RYR3: variants seen among roughly 807,000 people sequenced by gnomAD.
The protein encoded by RYR3 is ryanodine receptor 3.
In RYR3, 207 loss-of-function variants were observed where a neutral mutation model predicts 584.3. That is an observed-to-expected ratio of 0.35 (90% confidence interval 0.32 to 0.40). The LOEUF is 0.40. Among genes scored for constraint, RYR3 ranks in the 10% least tolerant of loss-of-function variants. The pLI is 1.00. For missense variants in RYR3, 5,616 were observed against 6,089.2 expected, an observed-to-expected ratio of 0.92 and a Z score of 2.59; for synonymous variants, 2,416 against 2,248.5, an observed-to-expected ratio of 1.07 and a Z score of -2.11.
At chr15:33,718,405 C>T (rs769990662) in intron 43 of RYR3, among the ~76,000 whole-genome samples, 1 of 152,130 alleles carries the variant, frequency 6.6e-6, no homozygotes, top group Admixed American at 6.5e-5. Context: ...GTTAGCAAGA[C>T]CCTTGAGCAC....
chr15:33,458,277 G>A (rs2047731432), intron 1 of RYR3, among the ~76,000 whole-genome samples: 1 of 152,124 alleles, frequency 6.6e-6, no homozygotes, highest in South Asian at 2.1e-4. Context: ...CATCCCATCT[G>A]AAGGCCTAGA....
intron 81 of RYR3, among the ~76,000 whole-genome samples, chr15:33,824,925 A>T (rs912866113): frequency 6.6e-6 from 1 of 152,212 alleles, no homozygotes; most frequent in African/African-American, 2.4e-5. Flanking sequence ...TTGTGGTTGC[A>T]CTATGGCTTC....
intron 1 of RYR3, among the ~76,000 whole-genome samples, chr15:33,433,664 T>G (rs550347474): frequency 6.6e-6 from 1 of 152,346 alleles, no homozygotes; most frequent in South Asian, 2.1e-4. Context: ...CTATACAAAT[T>G]ACTTTTAGTA....
At chr15:33,813,120 A>T in intron 73 of RYR3, 126 bp downstream of exon 73, 1 of 1,213,678 alleles carries the variant, frequency 8.2e-7, no homozygotes, top group Non-Finnish European at 1.2e-6. Context: ...ACCAAGGATC[A>T]TCCCAGATCA....
chr15:33,728,905 A>G lies in RYR3; in HGVS notation c.7082A>G (p.His2361Arg). Residue 2361 changes from histidine to arginine, a missense_variant, in exon 47 of 104, where the codon CAC becomes CGC. Physicochemically the swap from His to Arg is conservative, Grantham distance 29. Coordinates refer to ENST00000634891, the MANE Select transcript of RYR3 (RefSeq NM_001036.6). ...ATGGCGGCCAATTTCTGCCCTGACC[A>G]CAAGGCACCTATGGTGCTGTTCTTG... ...PDMAANFCPD[H>R]KAPMVLFLDR... 6.2e-7 allele frequency: 1 copy of G among 1,613,616 alleles called. No homozygotes were observed. Among genetic ancestry groups the G allele is most frequent in the South Asian group, 1.1e-5 (1 of 90,948 alleles).
rs192980271 is a variant in RYR3, at chr15:33,855,740, A to T, written c.14007+828A>T. 3 of 152,356 alleles carry T rather than the reference A, an allele frequency of 2.0e-5. No homozygotes were observed. In the East Asian group the frequency reaches 5.8e-4, roughly 29 times the overall value. 9.4% of individuals were successfully genotyped at this position (152,356 alleles called of 1,614,324 possible). A position where few individuals can be genotyped will look rare whatever the true frequency, so the allele number is the denominator to read the frequency against. ...CACATTTTATGTGTGTATATACATTATATAGTTAATACATATTATATAGTT... is the reference window on the plus strand; with the variant it reads ...CACATTTTATGTGTGTATATACATTTTATAGTTAATACATATTATATAGTT... On this transcript the variant is annotated intron_variant, in intron 98 of 103. Coordinates refer to ENST00000634891, the MANE Select transcript of RYR3 (RefSeq NM_001036.6).
At chr15:33,516,570 A>C (rs1423071882) in intron 3 of RYR3, among the ~76,000 whole-genome samples, 3 of 152,058 alleles carry the variant, frequency 2.0e-5, no homozygotes, top group Admixed American at 6.6e-5. Flanking sequence ...TCCTGACCTC[A>C]AGTGATCCAC....
chr15:33,812,462 A>G (rs66550019), intron 72 of RYR3, among the ~76,000 whole-genome samples: 10,349 of 152,272 alleles, frequency 0.068, 491 homozygotes, highest in Middle Eastern at 0.11. Context: ...ATATTTTTAA[A>G]AAGAAGGGGA....
In RYR3 at chr15:33,838,397, C is replaced by G. The variant is rs772778683; in HGVS notation, c.12417C>G (p.Ala4139=). The G allele has an allele frequency of 1.2e-6, 2 of 1,613,980 alleles. No individual in the cohort carries two copies. Among genetic ancestry groups the G allele is most frequent in the Non-Finnish European group, 1.7e-6 (2 of 1,179,890 alleles). The change falls in exon 89 of 104, where the codon GCC becomes GCG. Residue 4139 remains alanine, a synonymous_variant. Coordinates refer to ENST00000634891, the MANE Select transcript of RYR3 (RefSeq NM_001036.6). ...EEEEDGSLEP[A]SAFAMACASV... ...AAGAAGACGGGTCTCTTGAGCCGGCCTCTGCATTTGCTATGGCCTGTGCCT... is the reference window on the plus strand; with the variant it reads ...AAGAAGACGGGTCTCTTGAGCCGGCGTCTGCATTTGCTATGGCCTGTGCCT...
At chr15:33,757,709 T>G (rs2071987717) in intron 60 of RYR3, 113 bp downstream of exon 60, 1 of 1,228,988 alleles carries the variant, frequency 8.1e-7, no homozygotes, top group South Asian at 1.4e-5. Context: ...GGATGATGTT[T>G]TGGTTTGTCA....
At chr15:33,397,301 T>C (rs1456277604) in intron 1 of RYR3, among the ~76,000 whole-genome samples, 2 of 152,158 alleles carry the variant, frequency 1.3e-5, no homozygotes, top group African/African-American at 4.8e-5. Flanking sequence ...AAAGGAGCTA[T>C]GAATATTCAT....
At position 33,430,881 on chromosome 15, in the gene RYR3, GGTCCCTGCTCT is replaced by G. The variant is rs538714737; in HGVS notation, c.52-42534_52-42524del. On this transcript the variant is annotated intron_variant, in intron 1 of 103. Transcript: ENST00000634891. The stretch of plus-strand genomic sequence containing the variant: ...GATGTCTGGCAGGCCCCCAAGAGTG[GGTCCCTGCTCT>G]GTCACTAACTCTCCAACTGCCGGCA... 1.5e-3 allele frequency among the ~76,000 whole-genome samples: 227 copies of G among 152,236 alleles called. 1 individual carries two copies. The highest frequency in any genetic ancestry group is 3.7e-3 in the Admixed American group (56 of 15,286).
intron 12 of RYR3, among the ~76,000 whole-genome samples, chr15:33,567,368 T>C (rs1188991713): frequency 1.3e-5 from 2 of 152,210 alleles, no homozygotes; most frequent in Non-Finnish European, 2.9e-5. Context: ...CATGAGAAAC[T>C]GATTCTGTTG....
intron 8 of RYR3, among the ~76,000 whole-genome samples, chr15:33,547,851 G>T (rs1269492722): frequency 6.6e-6 from 1 of 152,206 alleles, no homozygotes; most frequent in African/African-American, 2.4e-5. Flanking sequence ...TAGAAATGGA[G>T]ATGTTCTTGT....
chr15:33,461,514 A>G (rs986644315), intron 1 of RYR3, among the ~76,000 whole-genome samples: 2 of 152,180 alleles, frequency 1.3e-5, no homozygotes, highest in African/African-American at 2.4e-5. Context: ...TTTTAATTCA[A>G]TGAGTACTTT....
At chr15:33,317,620 G>A (rs1968374496) in intron 1 of RYR3, among the ~76,000 whole-genome samples, 1 of 152,198 alleles carries the variant, frequency 6.6e-6, no homozygotes, top group Admixed American at 6.5e-5. Flanking sequence ...CTGCTACAGG[G>A]ATGAGCCTCT....
intron 3 of RYR3, among the ~76,000 whole-genome samples, chr15:33,515,421 G>T (rs2140911532): frequency 6.6e-6 from 1 of 152,316 alleles, no homozygotes; most frequent in East Asian, 1.9e-4. Context: ...GAAAGTCAGT[G>T]GGAGAAACCT....
At chr15:33,673,825 T>A (rs988264046) in intron 38 of RYR3, among the ~76,000 whole-genome samples, 1 of 152,262 alleles carries the variant, frequency 6.6e-6, no homozygotes, top group Admixed American at 6.5e-5. Flanking sequence ...CTTATCTCTA[T>A]GCTTAGAGGT....
chr15:33,840,553 G>C (rs898962450), intron 89 of RYR3: 2 of 480,394 alleles, frequency 4.2e-6, no homozygotes, highest in Admixed American at 3.7e-5. Flanking sequence ...CCGCCTTGAG[G>C]CTCTTACAAT....
Sources: gnomAD v4.1 joint callset for allele counts (sites outside exome capture counted in the v4.1 genomes callset) on GRCh38, gnomAD v4.1.1 for gene constraint, MANE v1.5 for transcripts, NCBI Gene and HGNC (gene_info 2026-07-23, HGNC 2026-07-21) for gene names.